The following NRK variants were observed in gnomAD, a reference collection of about 807,000 sequenced individuals.
The protein encoded by NRK is Nik related kinase, also known as nik-related protein kinase.
In NRK, 67 loss-of-function variants were observed where a neutral mutation model predicts 125.2. The ratio of observed to expected loss-of-function variants is 0.54; its 90% confidence interval spans 0.44 to 0.66. NRK has a LOEUF of 0.66. Among genes scored for constraint, NRK ranks in the 30% least tolerant of loss-of-function variants. NRK has a pLI of 0.00. For synonymous variants in NRK, 458 were observed against 429.0 expected (o/e 1.07, Z -0.84); for missense variants, 1,224 against 1,192.9 (o/e 1.03, Z -0.38).
chrX:105,937,535 G>T lies in NRK; in HGVS notation c.3752G>T (p.Arg1251Leu), dbSNP rs544266682. The T allele has an allele frequency of 4.2e-6, 5 of 1,201,349 alleles. No individual in the cohort carries two copies. The highest frequency in any genetic ancestry group is 2.3e-4 in the Middle Eastern group (1 of 4,325). The part of the protein sequence containing the change: ...ITKLIRRRPF[R>L]QIQVLEPLNL... The stretch of plus-strand genomic sequence containing the variant: ...AAACTTATAAGGCGAAGACCATTCC[G>T]CCAGATTCAAGTCTTAGAGCCACTC... The change falls in exon 22 of 29, where the codon CGC becomes CTC. Residue 1251 changes from arginine to leucine, a missense_variant. Arg to Leu is a moderately radical substitution (Grantham distance 102, BLOSUM62 -2). Coordinates refer to ENST00000243300, the MANE Select transcript of NRK (RefSeq NM_198465.4).
chrX:105,954,796 T>C (rs1020417534), intron 28 of NRK, among the ~76,000 whole-genome samples: 1 of 111,736 alleles, frequency 8.9e-6, no homozygotes, highest in African/African-American at 3.2e-5. Context: ...TTACACAACA[T>C]GTCCCTCTCT....
Position 105,909,472 on chromosome X carries a change from C to T in NRK, c.1831C>T (p.Pro611Ser), listed in dbSNP as rs367975216. 103 of 1,207,430 alleles carry T rather than the reference C, an allele frequency of 8.5e-5. No individual in the cohort carries two copies. The highest frequency in any genetic ancestry group is 1.1e-4 in the Non-Finnish European group (101 of 893,597). ...ACATTTGGATACTCAGGTGCTCATT[C>T]CAGTAGAGGGGCAAACTGAAGGATC... is the stretch of plus-strand genomic sequence containing the variant. Reference protein sequence around the residue: ...PLHLDTQVLIPVEGQTEGSPQ... With the variant: ...PLHLDTQVLISVEGQTEGSPQ... Residue 611 changes from proline (P) to serine (S), a missense_variant, in exon 13 of 29, where the codon CCA becomes TCA. Pro to Ser is a moderately conservative substitution (Grantham distance 74). Transcript: ENST00000243300.
At chrX:105,861,979 C>T (rs2039607912) in intron 2 of NRK, among the ~76,000 whole-genome samples, 1 of 111,899 alleles carries the variant, frequency 8.9e-6, no homozygotes, top group Admixed American at 9.5e-5. Flanking sequence ...GGGAGAATCA[C>T]TTGAACCTGG....
intron 2 of NRK, among the ~76,000 whole-genome samples, chrX:105,860,154 G>A (rs933377377): frequency 9.0e-5 from 10 of 111,225 alleles, no homozygotes; most frequent in Admixed American, 1.9e-4. Context: ...CAGTTGAGAG[G>A]TCAAGTAACT....
intron 1 of NRK, among the ~76,000 whole-genome samples, chrX:105,823,966 C>A (rs955474500): frequency 8.9e-6 from 1 of 112,321 alleles, no homozygotes; most frequent in Non-Finnish European, 1.9e-5. Flanking sequence ...AGTCGATTGA[C>A]TTAATTTTAC....
At chrX:105,836,991 A>G (rs1213117535) in intron 2 of NRK, among the ~76,000 whole-genome samples, 4 of 112,343 alleles carry the variant, frequency 3.6e-5, no homozygotes, top group African/African-American at 1.3e-4. Flanking sequence ...AATAGTTTAA[A>G]AAGATGGAAG....
At chrX:105,932,572 A>G (rs1167153607) in intron 19 of NRK, among the ~76,000 whole-genome samples, 1 of 112,350 alleles carries the variant, frequency 8.9e-6, no homozygotes, top group Non-Finnish European at 1.9e-5. Context: ...GTGGTATTTG[A>G]ACTCATTCTT....
At chrX:105,855,952 T>C (rs1001740561) in intron 2 of NRK, among the ~76,000 whole-genome samples, 1 of 111,862 alleles carries the variant, frequency 8.9e-6, no homozygotes, top group African/African-American at 3.2e-5. Flanking sequence ...GTTTGATGTT[T>C]ATCAACCACA....
chrX:105,933,735 C>A (rs1301427027), intron 19 of NRK, among the ~76,000 whole-genome samples: 1 of 111,563 alleles, frequency 9.0e-6, no homozygotes, highest in Non-Finnish European at 1.9e-5. Context: ...ACAGACACCC[C>A]CACACTGTGC....
intron 13 of NRK, among the ~76,000 whole-genome samples, chrX:105,910,112 T>C (rs1392675163): frequency 1.8e-5 from 2 of 112,185 alleles, no homozygotes; most frequent in Admixed American, 9.4e-5. Context: ...TAGCTTTAAT[T>C]ATTAGTTTTC....
chrX:105,895,890 A>C (rs1398243875), intron 7 of NRK, among the ~76,000 whole-genome samples: 1 of 112,376 alleles, frequency 8.9e-6, no homozygotes, highest in African/African-American at 3.2e-5. Flanking sequence ...GATTTAAAAA[A>C]ATAAAAAAAT....
At chrX:105,892,045 G>A (rs2040022122) in intron 5 of NRK, among the ~76,000 whole-genome samples, 1 of 111,385 alleles carries the variant, frequency 9.0e-6, no homozygotes, top group Admixed American at 9.6e-5. Flanking sequence ...AGTTCATTCA[G>A]GCATTCAACA....
chrX:105,880,336 G>T, intron 3 of NRK, 81 bp downstream of exon 3: 1 of 346,771 alleles, frequency 2.9e-6, no homozygotes, highest in East Asian at 5.1e-5. Context: ...TATTGTATTT[G>T]TTTTTAAATC....
At chrX:105,846,007 C>T (rs2039396411) in intron 2 of NRK, among the ~76,000 whole-genome samples, 1 of 111,112 alleles carries the variant, frequency 9.0e-6, no homozygotes, top group South Asian at 3.9e-4. Context: ...GAATCAAGGT[C>T]ACTCTGGGTT....
rs1416017375 is a variant in NRK at position 105,905,255 on chromosome X, C to T, written c.767-10C>T. The T allele has an allele frequency of 1.7e-6, 2 of 1,185,208 alleles. No homozygotes were observed. Among genetic ancestry groups the T allele is most frequent in the East Asian group, 3.0e-5 (1 of 33,547 alleles). On this transcript the variant is annotated splice_polypyrimidine_tract_variant and intron_variant, in intron 9 of 28. Coordinates refer to ENST00000243300, the MANE Select transcript of NRK (RefSeq NM_198465.4). ...TCATTCTTTCTAAATTTATCTATTT[C>T]CCTTTGCAGCTCTGTGTAACCTTCA...
chrX:105,944,165 T>G (rs1189402041), intron 24 of NRK, 124 bp downstream of exon 24: 3 of 409,107 alleles, frequency 7.3e-6, no homozygotes, highest in East Asian at 8.7e-5. Context: ...TAATGAAATT[T>G]TGTTGTTAGT....
At chrX:105,893,443 T>C (rs1193279051) in intron 5 of NRK, among the ~76,000 whole-genome samples, 3 of 112,171 alleles carry the variant, frequency 2.7e-5, no homozygotes, top group Admixed American at 9.5e-5. Context: ...ATCCTTTCCT[T>C]CCCATTCCAG....
At chrX:105,822,026 A>G (rs201218211), upstream of NRK, among the ~76,000 whole-genome samples, 19 of 112,375 alleles carry the variant, frequency 1.7e-4, no homozygotes, top group East Asian at 5.1e-3. Context: ...CTGATTCCCA[A>G]CCCATGGCAA....
intron 2 of NRK, among the ~76,000 whole-genome samples, chrX:105,855,775 C>A (rs892140631): frequency 5.4e-5 from 6 of 111,760 alleles, no homozygotes; most frequent in Non-Finnish European, 1.1e-4. Flanking sequence ...TCAACTCATG[C>A]TTCACTTTTT....
Sources: gnomAD v4.1 joint callset for allele counts (sites outside exome capture counted in the v4.1 genomes callset) on GRCh38, gnomAD v4.1.1 for gene constraint, MANE v1.5 for transcripts, NCBI Gene and HGNC (gene_info 2026-07-23, HGNC 2026-07-21) for gene names.